ATRX: variants seen among roughly 807,000 people sequenced by gnomAD.
ATRX encodes chromatin remodeler ATRX.
Under a neutral mutation model 172.6 loss-of-function variants are expected in ATRX, and 12 were observed. The observed-to-expected ratio is 0.07, with a 90% CI of 0.04 to 0.11. The LOEUF (loss-of-function observed/expected upper bound fraction) is 0.11, where lower values mean the gene tolerates loss of function less well. Ranked by LOEUF, ATRX falls within the 10% of genes least tolerant of loss-of-function variation. The pLI is 1.00. For synonymous variants in ATRX, 674 were observed against 594.7 expected (o/e 1.13, Z -1.94); for missense variants, 1,368 against 1,767.4 (o/e 0.77, Z 4.05).
chrX:77,661,572 T>C (rs935780572), intron 12 of ATRX, among the ~76,000 whole-genome samples: 8 of 109,905 alleles, frequency 7.3e-5, no homozygotes, highest in African/African-American at 2.3e-4. Context: ...CAAAGAAGAG[T>C]TCATCTGCCA....
At chrX:77,614,577 A>T (rs868913417) in intron 22 of ATRX, among the ~76,000 whole-genome samples, 55 of 111,999 alleles carry the variant, frequency 4.9e-4, no homozygotes, top group East Asian at 5.6e-4. Flanking sequence ...GTGTTTTTTT[A>T]AAATTTTTAA....
At chrX:77,759,503 C>G in intron 1 of ATRX, among the ~76,000 whole-genome samples, 1 of 110,985 alleles carries the variant, frequency 9.0e-6, no homozygotes, top group Admixed American at 9.7e-5. Flanking sequence ...CACTTGAGGT[C>G]AGGAGTTCGA....
intron 28 of ATRX, among the ~76,000 whole-genome samples, chrX:77,569,357 ATAACT>A (rs1168692691): frequency 2.7e-5 from 3 of 111,553 alleles, no homozygotes; most frequent in Admixed American, 9.5e-5. Context: ...AAAACCTGAC[ATAACT>A]TAAAGGAGAA....
intron 30 of ATRX, among the ~76,000 whole-genome samples, chrX:77,550,510 T>C (rs1557055446): frequency 1.8e-5 from 2 of 111,581 alleles, no homozygotes. Context: ...GCCAATATCA[T>C]ACTGAATGGG....
At chrX:77,639,681 T>C (rs1325735049) in intron 15 of ATRX, among the ~76,000 whole-genome samples, 1 of 112,263 alleles carries the variant, frequency 8.9e-6, no homozygotes, top group African/African-American at 3.2e-5. Context: ...TATTAAGTGT[T>C]GTCTTCAGGA....
intron 1 of ATRX, among the ~76,000 whole-genome samples, chrX:77,774,788 C>G (rs2076290372): frequency 8.9e-6 from 1 of 112,138 alleles, no homozygotes; most frequent in African/African-American, 3.2e-5. Flanking sequence ...TAGTTCATGG[C>G]AGCCTGGAAC....
chrX:77,709,536 C>A (rs1303855946), intron 2 of ATRX, among the ~76,000 whole-genome samples: 1 of 110,328 alleles, frequency 9.1e-6, no homozygotes, highest in East Asian at 2.8e-4. Flanking sequence ...GTGATGCTAC[C>A]TTACCTATGT....
At chrX:77,712,657 C>T (rs782255990) in intron 2 of ATRX, among the ~76,000 whole-genome samples, 2 of 109,366 alleles carry the variant, frequency 1.8e-5, no homozygotes, top group South Asian at 7.9e-4. Context: ...GGCAAAACGC[C>T]GTCTCCACTA....
chrX:77,628,152 A>G (rs935589263), intron 19 of ATRX, among the ~76,000 whole-genome samples: 8 of 112,608 alleles, frequency 7.1e-5, no homozygotes, highest in East Asian at 2.8e-4. Context: ...AGATGGTTCA[A>G]TACACTATGG....
At chrX:77,516,065 G>A (rs1489244016) in intron 34 of ATRX, among the ~76,000 whole-genome samples, 1 of 111,138 alleles carries the variant, frequency 9.0e-6, no homozygotes, top group Non-Finnish European at 1.9e-5. Context: ...CAGACACTGG[G>A]GCTGACCAGA....
At chrX:77,685,101 G>A (rs2148642904) in intron 7 of ATRX, 95 bp from the exon 8 acceptor site, 1 of 677,384 alleles carries the variant, frequency 1.5e-6, no homozygotes, top group African/African-American at 2.1e-5. Context: ...TAAAAACACT[G>A]GGGAAAATCT....
chrX:77,507,167 T>C lies in ATRX; in HGVS notation c.*1184A>G. ...GATGAATTAATTTTGATTTAATAATTGCCTCACAATCTAAACTAAAAAAAA... is the reference window on the plus strand; with the variant it reads ...GATGAATTAATTTTGATTTAATAATCGCCTCACAATCTAAACTAAAAAAAA... On this transcript the variant is annotated 3_prime_UTR_variant, in exon 35 of 35. Coordinates refer to ENST00000373344, the MANE Select transcript of ATRX (RefSeq NM_000489.6). 5.8e-6 allele frequency: 1 copy of C among 172,098 alleles called. No homozygotes were observed. Among genetic ancestry groups the C allele is most frequent in the Non-Finnish European group, 1.1e-5 (1 of 90,132 alleles). The allele number at this position is 172,098 out of a possible 1,213,427, so 14.2% of individuals were successfully genotyped here.
intron 2 of ATRX, among the ~76,000 whole-genome samples, chrX:77,715,571 T>A (rs2073334590): frequency 8.9e-6 from 1 of 112,641 alleles, no homozygotes; most frequent in South Asian, 3.6e-4. Flanking sequence ...TGTTGTTAAG[T>A]GAGCTGCCAG....
chrX:77,539,349 A>T (rs1557049717), intron 30 of ATRX, among the ~76,000 whole-genome samples: 1 of 111,264 alleles, frequency 9.0e-6, no homozygotes, highest in Non-Finnish European at 1.9e-5. Context: ...ACTGGTTTTT[A>T]AAAAAATATT....
At position 77,688,911 on chromosome X, in the gene ATRX, C is replaced by T. The variant is rs139919697; in HGVS notation, c.501G>A (p.Gly167=). ...LKKRGEDGLH[G]IVSCTACGQQ... is the part of the protein sequence containing the mutation. The stretch of plus-strand genomic sequence containing the variant: ...GTCCACAAGCAGTGCAGCTCACAAT[C>T]CCATGAAGCCCATCTTCTAGGAGAA... Residue 167 remains glycine, a synonymous_variant, in exon 7 of 35, where the codon GGG becomes GGA. Coordinates refer to ENST00000373344, the MANE Select transcript of ATRX (RefSeq NM_000489.6). The T allele has an allele frequency of 5.0e-6, 6 of 1,201,867 alleles. No individual in the cohort carries two copies. In the African/African-American group the frequency reaches 8.8e-5, roughly 18 times the overall value.
chrX:77,625,652 A>G (rs1053908226), intron 19 of ATRX, among the ~76,000 whole-genome samples: 3 of 112,053 alleles, frequency 2.7e-5, no homozygotes, highest in Non-Finnish European at 3.8e-5. Flanking sequence ...AAAATGCTCA[A>G]CATCACTAAT....
At chrX:77,594,499 T>G (rs1179943528) in intron 25 of ATRX, 1 of 112,601 alleles carries the variant, frequency 8.9e-6, no homozygotes, top group Non-Finnish European at 1.9e-5. Context: ...AAATAAGAAA[T>G]ATGCAGGTTT....
chrX:77,654,543 T>C lies in ATRX; in HGVS notation c.4215-343A>G, dbSNP rs781816053. Among the ~76,000 whole-genome samples, 7 of 111,478 alleles carry C rather than the reference T, an allele frequency of 6.3e-5. No homozygotes were observed. In the South Asian group the frequency reaches 2.6e-3, roughly 41 times the overall value. On this transcript the variant is annotated intron_variant, in intron 13 of 34. Coordinates refer to ENST00000373344, the MANE Select transcript of ATRX (RefSeq NM_000489.6). ...AAGCAGATTACAAATTTGAATACTG[T>C]TTTCTTCATAACAGGTCACAGAGAT...
chrX:77,521,817 T>C, intron 32 of ATRX: 1 of 219,604 alleles, frequency 4.6e-6, no homozygotes, highest in South Asian at 9.0e-5. Context: ...GTCTTTCCTA[T>C]TTAATTTACA....
Sources: allele counts gnomAD v4.1 joint callset (sites outside exome capture counted in the v4.1 genomes callset), GRCh38; gene constraint gnomAD v4.1.1; transcripts MANE v1.5; gene names NCBI Gene and HGNC (gene_info 2026-07-23, HGNC 2026-07-21).